The following PTPRD variants were observed in gnomAD, a reference collection of about 807,000 sequenced individuals.
PTPRD encodes receptor-type tyrosine-protein phosphatase delta.
Under a neutral mutation model 214.5 loss-of-function variants are expected in PTPRD, and 34 were observed. The observed-to-expected ratio is 0.16, with a 90% CI of 0.12 to 0.21. The LOEUF (loss-of-function observed/expected upper bound fraction) is 0.21, where lower values mean the gene tolerates loss of function less well. PTPRD is among the 10% of genes least tolerant of loss of function. The probability of loss-of-function intolerance (pLI) is 1.00; values close to 1 mark genes in which losing one functional copy is unlikely to be tolerated. For missense variants in PTPRD, 2,545 were observed against 2,398.7 expected (o/e 1.06, Z -1.27); for synonymous variants, 1,128 against 845.7 (o/e 1.33, Z -5.79).
intron 11 of PTPRD, among the ~76,000 whole-genome samples, chr9:8,814,322 G>A (rs1311765275): frequency 2.6e-5 from 4 of 152,112 alleles, no homozygotes; most frequent in Non-Finnish European, 2.9e-5. Flanking sequence ...TACAGAATGC[G>A]TGAGGGCAGA....
intron 36 of PTPRD, among the ~76,000 whole-genome samples, chr9:8,397,416 C>T (rs533290148): frequency 1.3e-5 from 2 of 152,084 alleles, no homozygotes; most frequent in Non-Finnish European, 2.9e-5. Context: ...ACTAACATTC[C>T]ATTAGAAAAT....
chr9:8,534,800 T>A (rs893625732), intron 14 of PTPRD, among the ~76,000 whole-genome samples: 3 of 151,792 alleles, frequency 2.0e-5, no homozygotes, highest in African/African-American at 7.2e-5. Context: ...TAAATACACA[T>A]TGGTCTTAAG....
At chr9:8,480,422 T>C (rs2096856439) in intron 30 of PTPRD, among the ~76,000 whole-genome samples, 1 of 152,148 alleles carries the variant, frequency 6.6e-6, no homozygotes, top group Non-Finnish European at 1.5e-5. Flanking sequence ...TATCTAATTT[T>C]CTCTACTATA....
At chr9:9,739,444 A>G (rs2098362180) in intron 6 of PTPRD, among the ~76,000 whole-genome samples, 1 of 151,978 alleles carries the variant, frequency 6.6e-6, no homozygotes, top group African/African-American at 2.4e-5. Context: ...ATCTTTGCTA[A>G]GTTGTATTTT....
intron 6 of PTPRD, among the ~76,000 whole-genome samples, chr9:9,759,431 T>C (rs760412622): frequency 6.6e-6 from 1 of 152,180 alleles, no homozygotes; most frequent in Non-Finnish European, 1.5e-5. Flanking sequence ...GTCCCTGCTC[T>C]ACTGAGTGGA....
chr9:8,727,006 C>T (rs2098588626), intron 12 of PTPRD, among the ~76,000 whole-genome samples: 1 of 151,464 alleles, frequency 6.6e-6, no homozygotes, highest in African/African-American at 2.4e-5. Flanking sequence ...AGAAGTAGAT[C>T]AGGTACATAG....
At chr9:9,563,766 T>C (rs1215969793) in intron 8 of PTPRD, among the ~76,000 whole-genome samples, 1 of 152,176 alleles carries the variant, frequency 6.6e-6, no homozygotes, top group Admixed American at 6.5e-5. Context: ...CATTAATACA[T>C]TGGTATGCCC....
At chr9:10,277,212 C>T (rs1210900452) in intron 3 of PTPRD, among the ~76,000 whole-genome samples, 1 of 151,318 alleles carries the variant, frequency 6.6e-6, no homozygotes, top group Non-Finnish European at 1.5e-5. Flanking sequence ...TAAACATAAA[C>T]ATACAACATA....
intron 2 of PTPRD, among the ~76,000 whole-genome samples, chr9:10,521,856 T>C (rs2052422482): frequency 6.6e-6 from 1 of 152,186 alleles, no homozygotes. Context: ...GGCTACAGTA[T>C]AGTTTAGTCA....
chr9:8,811,499 T>A (rs2096802419), intron 11 of PTPRD, among the ~76,000 whole-genome samples: 1 of 152,188 alleles, frequency 6.6e-6, no homozygotes. Context: ...CAAAGCTCTG[T>A]TAGCTATAAC....
chr9:8,455,138 G>A (rs2096136813), intron 33 of PTPRD, among the ~76,000 whole-genome samples: 1 of 152,098 alleles, frequency 6.6e-6, no homozygotes, highest in Admixed American at 6.5e-5. Flanking sequence ...AAGGTAATAA[G>A]GTGGCAGAAA....
At chr9:9,794,396 T>C (rs1384103175) in intron 5 of PTPRD, among the ~76,000 whole-genome samples, 1 of 151,944 alleles carries the variant, frequency 6.6e-6, no homozygotes, top group Non-Finnish European at 1.5e-5. Flanking sequence ...ATGAGTAATA[T>C]AGTGAAAGGT....
chr9:9,662,175 T>C (rs764456033), intron 7 of PTPRD, among the ~76,000 whole-genome samples: 1 of 151,662 alleles, frequency 6.6e-6, no homozygotes, highest in African/African-American at 2.4e-5. Context: ...TCTTGAGAGC[T>C]TGGAAGGCAG....
intron 11 of PTPRD, among the ~76,000 whole-genome samples, chr9:8,980,925 A>T (rs2099309524): frequency 6.6e-6 from 1 of 152,074 alleles, no homozygotes; most frequent in African/African-American, 2.4e-5. Context: ...CATTGTTTAG[A>T]TTTGCATGAA....
At chr9:8,405,367 G>T (rs2130656198) in intron 35 of PTPRD, among the ~76,000 whole-genome samples, 1 of 151,260 alleles carries the variant, frequency 6.6e-6, no homozygotes, top group African/African-American at 2.4e-5. Flanking sequence ...TTTATAGTTT[G>T]CTTTTTATTC....
At chr9:8,873,245 A>G (rs192623221) in intron 11 of PTPRD, among the ~76,000 whole-genome samples, 1 of 152,256 alleles carries the variant, frequency 6.6e-6, no homozygotes, top group African/African-American at 2.4e-5. Context: ...CTTTATATAC[A>G]TGGCCTCACT....
At chr9:8,335,297 A>ATC (rs768293704) in intron 43 of PTPRD, among the ~76,000 whole-genome samples, 1 of 151,802 alleles carries the variant, frequency 6.6e-6, no homozygotes, top group Non-Finnish European at 1.5e-5. Flanking sequence ...ATCCACCACG[A>ATC]TCAAGTCGGC....
intron 14 of PTPRD, among the ~76,000 whole-genome samples, chr9:8,604,113 T>C (rs2095053612): frequency 6.6e-6 from 1 of 152,204 alleles, no homozygotes. Context: ...ATCTACTATG[T>C]GCCCAGTACT....
At chr9:8,597,359 C>T (rs566937300) in intron 14 of PTPRD, among the ~76,000 whole-genome samples, 1 of 152,196 alleles carries the variant, frequency 6.6e-6, no homozygotes, top group East Asian at 1.9e-4. Flanking sequence ...CCTCCCCTTA[C>T]CAATTATGTT....
Sources: gnomAD v4.1 joint callset for allele counts (sites outside exome capture counted in the v4.1 genomes callset) on GRCh38, gnomAD v4.1.1 for gene constraint, MANE v1.5 for transcripts, NCBI Gene and HGNC (gene_info 2026-07-23, HGNC 2026-07-21) for gene names.